IQCM: variants seen among roughly 807,000 people sequenced by gnomAD.
IQCM encodes IQ motif containing M.
Under a neutral mutation model 57.6 loss-of-function variants are expected in IQCM, and 45 were observed. That is an observed-to-expected ratio of 0.78 (90% confidence interval 0.62 to 1.00). The LOEUF is 1.00. Among genes scored for constraint, IQCM ranks in the 50% least tolerant of loss-of-function variants. The pLI is 0.00. For missense variants in IQCM, 468 were observed against 511.6 expected (o/e 0.91, Z 0.82); for synonymous variants, 148 against 158.9 (o/e 0.93, Z 0.51).
At chr4:149,495,878 G>A (rs916327726) in intron 12 of IQCM, among the ~76,000 whole-genome samples, 1 of 152,138 alleles carries the variant, frequency 6.6e-6, no homozygotes, top group Middle Eastern at 3.2e-3. Flanking sequence ...TCTATCCTAA[G>A]CTGGTAGAGT....
At chr4:149,411,933 G>T (rs1214418894) in intron 13 of IQCM, among the ~76,000 whole-genome samples, 1 of 152,194 alleles carries the variant, frequency 6.6e-6, no homozygotes, top group African/African-American at 2.4e-5. Flanking sequence ...TCTCAGCTAA[G>T]ATATGTGGGT....
Position 149,758,393 on chromosome 4 carries a change from GA to G in IQCM, c.-48-15655del, listed in dbSNP as rs566460010. On this transcript the variant is annotated intron_variant, in intron 2 of 13. Coordinates refer to ENST00000636793, the MANE Select transcript of IQCM (RefSeq NM_001363507.2). ...ATAAAACTCCTAGAAGACAACAGGAGAAAAATCTAGATAACTTGGTTTGGTG... is the reference window on the plus strand; with the variant it reads ...ATAAAACTCCTAGAAGACAACAGGAGAAAATCTAGATAACTTGGTTTGGTG... 4.6e-5 allele frequency among the ~76,000 whole-genome samples: 7 copies of G among 152,160 alleles called. No individual in the cohort carries two copies. In the East Asian group the frequency reaches 1.3e-3, roughly 29 times the overall value.
At chr4:149,780,018 A>T (rs557558608) in intron 2 of IQCM, among the ~76,000 whole-genome samples, 1 of 152,236 alleles carries the variant, frequency 6.6e-6, no homozygotes, top group South Asian at 2.1e-4. Context: ...TGAAGGAAAG[A>T]TGCAAATTAC....
At chr4:149,615,726 A>G (rs951784041) in intron 8 of IQCM, among the ~76,000 whole-genome samples, 1 of 152,142 alleles carries the variant, frequency 6.6e-6, no homozygotes, top group Non-Finnish European at 1.5e-5. Context: ...TTTTGATAAG[A>G]CTAACTAAGT....
chr4:149,751,526 G>T (rs1224388419), intron 2 of IQCM, among the ~76,000 whole-genome samples: 2 of 152,130 alleles, frequency 1.3e-5, no homozygotes, highest in African/African-American at 4.8e-5. Context: ...GAGCTGCACA[G>T]TCCCAGAAAT....
At chr4:149,454,223 A>G (rs1204151835) in intron 12 of IQCM, among the ~76,000 whole-genome samples, 1 of 150,274 alleles carries the variant, frequency 6.7e-6, no homozygotes, top group Non-Finnish European at 1.5e-5. Flanking sequence ...CACAATTACA[A>G]TTTATGGTGT....
intron 9 of IQCM, among the ~76,000 whole-genome samples, chr4:149,571,157 G>A (rs1272002864): frequency 6.6e-6 from 1 of 152,002 alleles, no homozygotes; most frequent in African/African-American, 2.4e-5. Context: ...ACATCCAAAG[G>A]AAATGAAATC....
At position 149,760,028 on chromosome 4, in the gene IQCM, G is replaced by A. The variant is rs7691117; in HGVS notation, c.-48-17289C>T. 3.0e-4 allele frequency among the ~76,000 whole-genome samples: 9 copies of A among 30,140 alleles called. No individual in the cohort carries two copies. The East Asian group carries it at 9.2e-3, about 31-fold the overall frequency. The allele number at this position is 30,140 out of a possible 152,430, so 19.8% of individuals were successfully genotyped here. ...TCTAGACAGAAGGAAGGAAGGAAGG[G>A]AAGGGAAGGGAAGGAGGGAGGGACG... On this transcript the variant is annotated intron_variant, in intron 2 of 13. Transcript: ENST00000636793.
At chr4:149,631,233 C>T (rs967648459) in intron 7 of IQCM, among the ~76,000 whole-genome samples, 14 of 152,260 alleles carry the variant, frequency 9.2e-5, no homozygotes, top group African/African-American at 3.4e-4. Flanking sequence ...AGAGAACTAT[C>T]GGACTCTTGC....
At chr4:149,697,835 G>T (rs187094633) in intron 5 of IQCM, among the ~76,000 whole-genome samples, 1 of 151,994 alleles carries the variant, frequency 6.6e-6, no homozygotes, top group African/African-American at 2.4e-5. Flanking sequence ...AGAATGCCTG[G>T]CATATAATAG....
intron 12 of IQCM, among the ~76,000 whole-genome samples, chr4:149,434,664 C>T (rs1294578463): frequency 1.3e-5 from 2 of 152,070 alleles, no homozygotes; most frequent in Admixed American, 1.3e-4. Context: ...AGATCCAAAT[C>T]CATCCTTTAC....
chr4:149,372,097 C>T (rs979972951), intron 13 of IQCM, among the ~76,000 whole-genome samples: 4 of 152,140 alleles, frequency 2.6e-5, no homozygotes, highest in Admixed American at 1.3e-4. Flanking sequence ...ATTTAAGTAA[C>T]CTGCTCAAGA....
At chr4:149,517,006 A>G (rs1238513173) in intron 12 of IQCM, among the ~76,000 whole-genome samples, 2 of 150,758 alleles carry the variant, frequency 1.3e-5, no homozygotes, top group African/African-American at 4.9e-5. Context: ...ACCTCTTAGT[A>G]TTACCATGAC....
At chr4:149,581,417 T>C (rs1230023059) in intron 9 of IQCM, among the ~76,000 whole-genome samples, 1 of 151,560 alleles carries the variant, frequency 6.6e-6, no homozygotes, top group East Asian at 2.0e-4. Context: ...GATCTACAGG[T>C]CTATCTCCCT....
intron 7 of IQCM, among the ~76,000 whole-genome samples, chr4:149,643,163 A>G (rs560052373): frequency 1.3e-5 from 2 of 152,312 alleles, no homozygotes; most frequent in Admixed American, 1.3e-4. Flanking sequence ...TGTAACGCCT[A>G]GTATTTCAGT....
rs776892567 is a variant in IQCM, at chr4:149,606,288, G to A, written c.681+14841C>T. 3.4e-4 allele frequency among the ~76,000 whole-genome samples: 52 copies of A among 152,242 alleles called. No homozygotes were observed. In the Middle Eastern group the frequency reaches 0.014, roughly 40 times the overall value. Reference sequence around the variant, plus strand: ...AGGAAACAGAGGAAATACAGTGAGAGACTTTGCCTGGTAACCCAAGAGTTG... The same window carrying A: ...AGGAAACAGAGGAAATACAGTGAGAAACTTTGCCTGGTAACCCAAGAGTTG... On this transcript the variant is annotated intron_variant, in intron 8 of 13. Transcript: ENST00000636793.
intron 12 of IQCM, among the ~76,000 whole-genome samples, chr4:149,494,185 G>A (rs759181057): frequency 7.9e-5 from 12 of 151,852 alleles, no homozygotes; most frequent in Non-Finnish European, 1.0e-4. Flanking sequence ...CGTTTTTAAC[G>A]GCTAACATTT....
rs1417291440 is a variant in IQCM at position 149,455,265 on chromosome 4, A to G, written c.1229-21708T>C. On this transcript the variant is annotated intron_variant, in intron 12 of 13. Coordinates refer to ENST00000636793, the MANE Select transcript of IQCM (RefSeq NM_001363507.2). ...AAGATGAGTCAGGTTCAGAGGAGCT[A>G]TAGATATGGCTCATTCACTCAATGC... 9.9e-5 allele frequency among the ~76,000 whole-genome samples: 15 copies of G among 152,046 alleles called. 1 individual carries two copies. The highest frequency in any genetic ancestry group is 9.8e-4 in the Admixed American group (15 of 15,234).
intron 13 of IQCM, among the ~76,000 whole-genome samples, chr4:149,408,228 C>A (rs926933087): frequency 6.6e-6 from 1 of 151,916 alleles, no homozygotes; most frequent in Non-Finnish European, 1.5e-5. Context: ...TAAAATTAAA[C>A]CAACTTATTG....
Sources: allele counts gnomAD v4.1 joint callset (sites outside exome capture counted in the v4.1 genomes callset), GRCh38; gene constraint gnomAD v4.1.1; transcripts MANE v1.5; gene names NCBI Gene and HGNC (gene_info 2026-07-23, HGNC 2026-07-21).